The following DCDC1 variants were observed in gnomAD, a reference collection of about 807,000 sequenced individuals.
DCDC1 encodes the protein doublecortin domain containing 1.
A neutral mutation model predicts 178.3 loss-of-function variants in DCDC1; 200 were observed. That is an observed-to-expected ratio of 1.12 (90% confidence interval 1.00 to 1.26). The LOEUF (loss-of-function observed/expected upper bound fraction) is 1.26, where lower values mean the gene tolerates loss of function less well. DCDC1 is among the 50% of genes most tolerant of loss of function. DCDC1 has a pLI of 0.00. For missense variants in DCDC1, 1,983 were observed against 1,749.2 expected, an observed-to-expected ratio of 1.13 and a Z score of -2.38; for synonymous variants, 690 against 604.8, an observed-to-expected ratio of 1.14 and a Z score of -2.07.
intron 9 of DCDC1, among the ~76,000 whole-genome samples, chr11:31,159,605 CA>C (rs1353618914): frequency 3.3e-5 from 5 of 152,192 alleles, no homozygotes; most frequent in Admixed American, 6.5e-5. Flanking sequence ...ACGATGCAGG[CA>C]GTAAGTGTGA....
intron 9 of DCDC1, among the ~76,000 whole-genome samples, chr11:31,189,114 T>TTTA (rs760192492): frequency 1.3e-5 from 2 of 152,248 alleles, no homozygotes; most frequent in Middle Eastern, 3.4e-3. Flanking sequence ...ATTTTCGTTG[T>TTTA]TTATAAATTA....
chr11:31,115,542 T>C (rs578161781), intron 11 of DCDC1, among the ~76,000 whole-genome samples: 77 of 152,246 alleles, frequency 5.1e-4, no homozygotes, highest in Admixed American at 1.6e-3. Context: ...ACAGGATTTA[T>C]TACTAGAGGT....
intron 9 of DCDC1, among the ~76,000 whole-genome samples, chr11:31,194,837 T>C (rs959264992): frequency 6.6e-6 from 1 of 152,134 alleles, no homozygotes; most frequent in Non-Finnish European, 1.5e-5. Flanking sequence ...TGTTAAAGCT[T>C]TTGATAAATG....
At position 31,037,647 on chromosome 11, in the gene DCDC1, T is replaced by C. The variant is rs1565207969; in HGVS notation, c.2591+26822A>G. Among the ~76,000 whole-genome samples the C allele has an allele frequency of 1.5e-4, 23 of 152,168 alleles. No individual in the cohort carries two copies. The South Asian group carries it at 4.4e-3, about 29-fold the overall frequency. On this transcript the variant is annotated intron_variant, in intron 20 of 38. Transcript: ENST00000684477. Reference sequence around the variant, plus strand: ...CCGGATAATTTTTCGTATTTTTTAGTAGAGACGGGGTTTCACCGTGTTAGC... The same window carrying C: ...CCGGATAATTTTTCGTATTTTTTAGCAGAGACGGGGTTTCACCGTGTTAGC...
At position 31,300,733 on chromosome 11, in the gene DCDC1, G is replaced by C. The variant is rs576212140; in HGVS notation, c.754+4882C>G. ...GAATTCTCAGGTAAAGTAACAAGCAGCATAGGCAGACAACTAAGTGATTTG... is the reference window on the plus strand; with the variant it reads ...GAATTCTCAGGTAAAGTAACAAGCACCATAGGCAGACAACTAAGTGATTTG... On this transcript the variant is annotated intron_variant, in intron 6 of 38. Coordinates refer to ENST00000684477, the MANE Select transcript of DCDC1 (RefSeq NM_001387274.1). 2.6e-5 allele frequency among the ~76,000 whole-genome samples: 4 copies of C among 152,172 alleles called. No individual in the cohort carries two copies. In the South Asian group the frequency reaches 6.2e-4, roughly 24 times the overall value.
At chr11:31,225,712 G>C (rs984146467) in intron 9 of DCDC1, among the ~76,000 whole-genome samples, 2 of 149,812 alleles carry the variant, frequency 1.3e-5, no homozygotes, top group African/African-American at 4.9e-5. Context: ...TATCTAGGTA[G>C]ATATATATCT....
chr11:31,096,717 G>T (rs1041586157), intron 15 of DCDC1, among the ~76,000 whole-genome samples: 1 of 151,664 alleles, frequency 6.6e-6, no homozygotes, highest in African/African-American at 2.4e-5. Context: ...AAAAAATCCT[G>T]CCAAGTCTGG....
At chr11:30,950,896 G>A (rs1948377740) in intron 21 of DCDC1, among the ~76,000 whole-genome samples, 1 of 151,980 alleles carries the variant, frequency 6.6e-6, no homozygotes, top group African/African-American at 2.4e-5. Context: ...AAATGCTTGA[G>A]GTGATGGATA....
intron 9 of DCDC1, among the ~76,000 whole-genome samples, chr11:31,174,063 G>A (rs1048858400): frequency 2.6e-5 from 4 of 152,090 alleles, no homozygotes; most frequent in Admixed American, 6.5e-5. Context: ...TCCCCAACGC[G>A]GGTGCAGCCA....
Position 31,305,720 on chromosome 11 carries a change from A to G in DCDC1, c.649T>C (p.Leu217=), listed in dbSNP as rs770578290. The G allele has an allele frequency of 1.2e-6, 2 of 1,613,850 alleles. No homozygotes were observed. Among genetic ancestry groups the G allele is most frequent in the African/African-American group, 1.3e-5 (1 of 75,016 alleles). Residue 217 remains leucine (L), a synonymous_variant, in exon 6 of 39, where the codon TTG becomes CTG. Coordinates refer to ENST00000684477, the MANE Select transcript of DCDC1 (RefSeq NM_001387274.1). ...TCGAGGGCTTCCTTGCCGTCTGCCA[A>G]GAACACTCGTCTTGCGGCCATGTTC... is the stretch of plus-strand genomic sequence containing the variant. ...NLNMAARRVF[L]ADGKEALEPE... is the part of the protein sequence containing the mutation.
At chr11:31,239,834 CAGTA>C (rs755294695) in intron 9 of DCDC1, among the ~76,000 whole-genome samples, 1 of 151,258 alleles carries the variant, frequency 6.6e-6, no homozygotes, top group African/African-American at 2.4e-5. Flanking sequence ...TTAATGAAAG[CAGTA>C]AGTAATTCTG....
At chr11:31,100,291 C>A (rs1044744579) in intron 15 of DCDC1, among the ~76,000 whole-genome samples, 1 of 152,310 alleles carries the variant, frequency 6.6e-6, no homozygotes, top group Admixed American at 6.5e-5. Flanking sequence ...ATCCATTCAT[C>A]AAATATGTAT....
chr11:30,886,724 T>G (rs1943201711), intron 36 of DCDC1, among the ~76,000 whole-genome samples: 2 of 152,104 alleles, frequency 1.3e-5, no homozygotes, highest in East Asian at 3.9e-4. Context: ...ACATAAATTT[T>G]GGGGCACAAT....
chr11:31,301,697 A>T (rs1948128058), intron 6 of DCDC1, among the ~76,000 whole-genome samples: 3 of 152,206 alleles, frequency 2.0e-5, no homozygotes, highest in Admixed American at 2.0e-4. Flanking sequence ...GTGTCGTGGA[A>T]TTGAAATATT....
At chr11:31,238,626 A>G (rs1976731816) in intron 9 of DCDC1, among the ~76,000 whole-genome samples, 1 of 152,124 alleles carries the variant, frequency 6.6e-6, no homozygotes, top group African/African-American at 2.4e-5. Context: ...GCACCACTAC[A>G]TAACAAGAAT....
chr11:31,093,906 G>A (rs745568801), intron 16 of DCDC1, 144 bp downstream of exon 16: 8 of 646,308 alleles, frequency 1.2e-5, no homozygotes, highest in Non-Finnish European at 2.2e-5. Flanking sequence ...CAATACCAAC[G>A]GCAGAGATGG....
At chr11:31,133,680 C>T (rs1962745366) in intron 10 of DCDC1, among the ~76,000 whole-genome samples, 1 of 152,008 alleles carries the variant, frequency 6.6e-6, no homozygotes, top group Non-Finnish European at 1.5e-5. Flanking sequence ...CAAATACTAC[C>T]AAATTTTTGT....
chr11:30,965,456 G>C (rs1949368872), intron 20 of DCDC1, among the ~76,000 whole-genome samples: 1 of 151,918 alleles, frequency 6.6e-6, no homozygotes, highest in South Asian at 2.1e-4. Flanking sequence ...GCCTTGAAGG[G>C]AAATAATGGG....
intron 20 of DCDC1, among the ~76,000 whole-genome samples, chr11:30,959,432 C>G (rs1948961866): frequency 1.3e-5 from 2 of 152,122 alleles, no homozygotes; most frequent in Admixed American, 1.3e-4. Context: ...ACTGTAGTCA[C>G]TTCGTCTTCT....
Sources: gnomAD v4.1 joint callset for allele counts (sites outside exome capture counted in the v4.1 genomes callset) on GRCh38, gnomAD v4.1.1 for gene constraint, MANE v1.5 for transcripts, NCBI Gene and HGNC (gene_info 2026-07-23, HGNC 2026-07-21) for gene names.